The following MCTP2 variants were observed in gnomAD, a reference collection of about 807,000 sequenced individuals.
The protein encoded by MCTP2 is multiple C2 and transmembrane domain containing 2.
A neutral mutation model predicts 111.6 loss-of-function variants in MCTP2; 132 were observed. The observed-to-expected ratio is 1.18, with a 90% CI of 1.03 to 1.37. The LOEUF is 1.37. Among genes scored for constraint, MCTP2 ranks in the 40% most tolerant of loss-of-function variants. The pLI is 0.00. For missense variants in MCTP2, 1,183 were observed against 1,067.9 expected (o/e 1.11, Z -1.50); for synonymous variants, 395 against 387.7 (o/e 1.02, Z -0.22).
chr15:94,326,455 C>T (rs2076874655), intron 4 of MCTP2, among the ~76,000 whole-genome samples: 1 of 152,096 alleles, frequency 6.6e-6, no homozygotes, highest in African/African-American at 2.4e-5. Context: ...TTTCAAGATT[C>T]TCATTAAAAA....
chr15:94,311,246 C>G (rs758256729), intron 2 of MCTP2, among the ~76,000 whole-genome samples: 1 of 151,806 alleles, frequency 6.6e-6, no homozygotes, highest in Non-Finnish European at 1.5e-5. Context: ...AGGCTGGTCT[C>G]GAACTCCTGA....
intron 1 of MCTP2, among the ~76,000 whole-genome samples, chr15:94,236,372 T>TTTTTA (rs2070550271): frequency 7.2e-6 from 1 of 139,124 alleles, no homozygotes; most frequent in Non-Finnish European, 1.5e-5. Context: ...TCCTTTCTTT[T>TTTTTA]TTTTCTTTTT....
intron 1 of MCTP2, among the ~76,000 whole-genome samples, chr15:94,262,605 A>C (rs1481998001): frequency 6.6e-6 from 1 of 152,112 alleles, no homozygotes; most frequent in Non-Finnish European, 1.5e-5. Context: ...TAATGGTGAA[A>C]TAAATATATA....
upstream of MCTP2, chr15:94,231,442 G>C (rs2152195511): frequency 6.6e-6 from 1 of 152,328 alleles, no homozygotes; most frequent in South Asian, 2.1e-4. Flanking sequence ...GCTTGGGTCG[G>C]AGGCTGCTCA....
chr15:94,475,366 G>A (rs1423273435), intron 21 of MCTP2, among the ~76,000 whole-genome samples: 1 of 152,182 alleles, frequency 6.6e-6, no homozygotes, highest in Non-Finnish European at 1.5e-5. Context: ...TTGCAAAGCA[G>A]ATGTAAATCT....
chr15:94,350,996 A>G (rs2078272996), intron 8 of MCTP2, among the ~76,000 whole-genome samples: 1 of 151,850 alleles, frequency 6.6e-6, no homozygotes, highest in African/African-American at 2.4e-5. Flanking sequence ...CTCTTAATCT[A>G]TTTTTATTTT....
chr15:94,358,588 A>G lies in MCTP2; in HGVS notation c.1277A>G (p.Lys426Arg). 1 of 1,613,742 alleles carries G rather than the reference A, an allele frequency of 6.2e-7. No homozygotes were observed. The change falls in exon 10 of 23, where the codon AAA becomes AGA. Residue 426 changes from lysine to arginine, a missense_variant. Physicochemically the swap from Lys to Arg is conservative, Grantham distance 26. Coordinates refer to ENST00000357742, the MANE Select transcript of MCTP2 (RefSeq NM_001385001.1). ...LDIEVWGKDNKKHEERLGTCK... is the reference protein window; with the variant it reads ...LDIEVWGKDNRKHEERLGTCK... ...ATTGAAGTGTGGGGAAAGGACAACA[A>G]AAAGCATGAGGAACGTCTGGGCACG...
At chr15:94,235,270 T>G (rs1055934359) in intron 1 of MCTP2, among the ~76,000 whole-genome samples, 26 of 142,224 alleles carry the variant, frequency 1.8e-4, no homozygotes, top group African/African-American at 5.4e-4. Context: ...AAAAAAAAAA[T>G]CCCTGGTGGT....
At chr15:94,367,387 C>T (rs2079245924) in intron 10 of MCTP2, among the ~76,000 whole-genome samples, 1 of 152,158 alleles carries the variant, frequency 6.6e-6, no homozygotes, top group African/African-American at 2.4e-5. Context: ...ATGCTGCCTT[C>T]TTTTTGATTT....
intron 1 of MCTP2, among the ~76,000 whole-genome samples, chr15:94,238,291 T>G (rs796432015): frequency 9.2e-5 from 14 of 152,330 alleles, no homozygotes; most frequent in African/African-American, 2.6e-4. Context: ...GTAAAACGTT[T>G]ATCATATATC....
At chr15:94,281,685 T>A (rs2152313659) in intron 1 of MCTP2, among the ~76,000 whole-genome samples, 1 of 152,294 alleles carries the variant, frequency 6.6e-6, no homozygotes, top group African/African-American at 2.4e-5. Context: ...ATTTTTTTGA[T>A]GGCCAGTAAC....
At chr15:94,478,527 T>C (rs2074550299) in intron 22 of MCTP2, among the ~76,000 whole-genome samples, 1 of 152,214 alleles carries the variant, frequency 6.6e-6, no homozygotes, top group South Asian at 2.1e-4. Context: ...CAGCATTTTT[T>C]CCTCTCAGGC....
intron 8 of MCTP2, among the ~76,000 whole-genome samples, chr15:94,347,407 G>A (rs1397939235): frequency 6.6e-6 from 1 of 152,044 alleles, no homozygotes; most frequent in Non-Finnish European, 1.5e-5. Flanking sequence ...AATATCATTA[G>A]CTTTTTCACC....
intron 4 of MCTP2, among the ~76,000 whole-genome samples, chr15:94,336,117 A>G (rs752545317): frequency 1.3e-5 from 2 of 152,130 alleles, no homozygotes; most frequent in Admixed American, 6.5e-5. Flanking sequence ...TTCTCATTAT[A>G]TGTTCTTCCC....
intron 10 of MCTP2, among the ~76,000 whole-genome samples, chr15:94,364,046 G>A (rs7165420): frequency 0.15 from 20,696 of 142,056 alleles, 1,690 homozygotes; most frequent in African/African-American, 0.21. Flanking sequence ...TTGAGCTGTC[G>A]TGAGTTAAAA....
At chr15:94,306,602 C>T (rs1280397487) in intron 2 of MCTP2, among the ~76,000 whole-genome samples, 1 of 152,130 alleles carries the variant, frequency 6.6e-6, no homozygotes, top group Non-Finnish European at 1.5e-5. Flanking sequence ...TCCTTTTAAA[C>T]ACAAGGATAA....
intron 12 of MCTP2, among the ~76,000 whole-genome samples, chr15:94,378,907 A>G (rs548854346): frequency 2.3e-4 from 35 of 152,320 alleles, no homozygotes; most frequent in African/African-American, 8.2e-4. Context: ...TCTGAGGATC[A>G]TTAAGCAGTT....
At chr15:94,406,441 G>A (rs1022684058) in intron 17 of MCTP2, among the ~76,000 whole-genome samples, 5 of 152,138 alleles carry the variant, frequency 3.3e-5, no homozygotes, top group Admixed American at 2.6e-4. Flanking sequence ...AGTGACACCG[G>A]GACCAACCAT....
chr15:94,327,835 G>T (rs967388843), intron 4 of MCTP2, among the ~76,000 whole-genome samples: 1 of 152,172 alleles, frequency 6.6e-6, no homozygotes, highest in Non-Finnish European at 1.5e-5. Flanking sequence ...TTCCTCTGAA[G>T]ATTTTTGTTG....
Sources: allele counts gnomAD v4.1 joint callset (sites outside exome capture counted in the v4.1 genomes callset), GRCh38; gene constraint gnomAD v4.1.1; transcripts MANE v1.5; gene names NCBI Gene and HGNC (gene_info 2026-07-23, HGNC 2026-07-21).